The following EBF2 variants were observed in gnomAD, a reference collection of about 807,000 sequenced individuals.
EBF2 encodes the protein transcription factor COE2.
EBF2 carries 21 observed loss-of-function variants against 72.8 expected under a neutral mutation model. That is an observed-to-expected ratio of 0.29 (90% CI 0.20 to 0.42). The LOEUF (loss-of-function observed/expected upper bound fraction) is 0.42, where lower values mean the gene tolerates loss of function less well. EBF2 is among the 10% of genes least tolerant of loss of function. The pLI is 1.00. For missense variants in EBF2, 637 were observed against 731.2 expected (o/e 0.87, Z 1.49); for synonymous variants, 299 against 274.2 (o/e 1.09, Z -0.89).
chr8:25,946,992 T>C (rs7006936), intron 6 of EBF2, among the ~76,000 whole-genome samples: 36,741 of 152,066 alleles, frequency 0.24, 5,505 homozygotes, highest in African/African-American at 0.43. Context: ...TAATACAATT[T>C]GATTCACTTT....
intron 6 of EBF2, among the ~76,000 whole-genome samples, chr8:26,002,595 G>A (rs1804748991): frequency 6.6e-6 from 1 of 152,166 alleles, no homozygotes; most frequent in South Asian, 2.1e-4. Context: ...TCCTCAGAGA[G>A]AACATTAACA....
chr8:25,855,081 A>T (rs559558848), intron 14 of EBF2, among the ~76,000 whole-genome samples: 1 of 152,344 alleles, frequency 6.6e-6, no homozygotes, highest in South Asian at 2.1e-4. Context: ...TTCTCTGGAC[A>T]TCTATCTCTC....
At chr8:25,883,523 A>C (rs1232342887) in intron 10 of EBF2, among the ~76,000 whole-genome samples, 2 of 151,986 alleles carry the variant, frequency 1.3e-5, no homozygotes, top group Non-Finnish European at 2.9e-5. Context: ...TTGTTGAGTA[A>C]ATAAATGGGT....
intron 6 of EBF2, among the ~76,000 whole-genome samples, chr8:25,953,987 T>A (rs1055487353): frequency 3.9e-5 from 6 of 152,324 alleles, no homozygotes; most frequent in Admixed American, 3.9e-4. Context: ...TCCTTTTTTT[T>A]ATAGGCTGCT....
In EBF2 at chr8:25,908,565, G is replaced by C. The variant is rs779021974; in HGVS notation, c.552-10C>G. The C allele has an allele frequency of 6.4e-7, 1 of 1,568,810 alleles. No homozygotes were observed. On this transcript the variant is annotated splice_polypyrimidine_tract_variant and intron_variant, in intron 6 of 15. Transcript: ENST00000520164. ...AAATTTTAAAAAGAATCTGTGAAGA[G>C]AAAGCGATGTGTTACATTTTTCAGT...
intron 6 of EBF2, among the ~76,000 whole-genome samples, chr8:25,955,684 A>T (rs1803933510): frequency 6.6e-6 from 1 of 152,186 alleles, no homozygotes; most frequent in Admixed American, 6.5e-5. Context: ...TTGGGGAGTC[A>T]TATGTTTATG....
At position 26,044,655 on chromosome 8, in the gene EBF2, C is replaced by CG. The variant is rs11135911; in HGVS notation, c.131+73dup. ...GGGAGAGAGAAAGGCACGGGGTGCG[C>CG]GGGGGGGGTGCACACGGAGAGACAG... is the stretch of plus-strand genomic sequence containing the variant. On this transcript the variant is annotated intron_variant, in intron 1 of 15. Coordinates refer to ENST00000520164, the MANE Select transcript of EBF2 (RefSeq NM_022659.4). The surrounding 1 kb of genome is among the most constrained non-coding windows in gnomAD (Gnocchi z 4.1). 19,653 of 1,539,764 alleles carry CG rather than the reference C, an allele frequency of 0.013. 112 individuals carry two copies. The highest frequency in any genetic ancestry group is 0.014 in the Non-Finnish European group (16,245 of 1,134,906).
At chr8:25,956,459 A>G (rs1217845032) in intron 6 of EBF2, among the ~76,000 whole-genome samples, 2 of 152,132 alleles carry the variant, frequency 1.3e-5, no homozygotes, top group East Asian at 1.9e-4. Context: ...AAGGTGCACA[A>G]GTACTCTTGT....
intron 6 of EBF2, among the ~76,000 whole-genome samples, chr8:25,973,387 G>A (rs954819779): frequency 2.6e-5 from 4 of 152,028 alleles, no homozygotes; most frequent in Non-Finnish European, 5.9e-5. Flanking sequence ...TTCTAATCTG[G>A]ATCATATTTA....
intron 6 of EBF2, among the ~76,000 whole-genome samples, chr8:25,985,629 A>G (rs548613710): frequency 3.9e-5 from 6 of 152,286 alleles, no homozygotes; most frequent in South Asian, 2.1e-4. Context: ...CCTGACATTC[A>G]CTGAAAGATT....
chr8:25,856,548 T>A (rs1365529456), intron 14 of EBF2, among the ~76,000 whole-genome samples: 1 of 152,226 alleles, frequency 6.6e-6, no homozygotes, highest in Non-Finnish European at 1.5e-5. Context: ...AGGCTCTGAC[T>A]GGACTCTAGA....
Position 26,044,998 on chromosome 8 carries a change from A to T in EBF2, c.-139T>A. The stretch of plus-strand genomic sequence containing the variant: ...TCAAGTGCCCAAGTTTGAGTCTTAG[A>T]AAAAAAAAAAAGATAACCCGTCCTT... On this transcript the variant is annotated 5_prime_UTR_variant, in exon 1 of 16. Transcript: ENST00000520164. This position sits in a 1 kb window ranked among gnomAD's most constrained non-coding sequence, Gnocchi z 4.1. 2.3e-6 allele frequency: 1 copy of T among 433,650 alleles called. No homozygotes were observed. Among genetic ancestry groups the T allele is most frequent in the Non-Finnish European group, 3.5e-6 (1 of 284,696 alleles). 26.9% of individuals were successfully genotyped at this position (433,650 alleles called of 1,614,324 possible).
At chr8:26,024,538 T>C (rs1218165688) in intron 6 of EBF2, among the ~76,000 whole-genome samples, 4 of 152,208 alleles carry the variant, frequency 2.6e-5, no homozygotes, top group Non-Finnish European at 5.9e-5. Flanking sequence ...TTCTTGGGCC[T>C]GTTCTGTACC....
intron 6 of EBF2, among the ~76,000 whole-genome samples, chr8:25,924,616 C>T (rs751773107): frequency 1.3e-5 from 2 of 152,136 alleles, no homozygotes; most frequent in Non-Finnish European, 2.9e-5. Context: ...TCTTTGGAAA[C>T]ACTAAATCAA....
chr8:25,858,813 A>G (rs1034969800), intron 13 of EBF2, among the ~76,000 whole-genome samples: 23 of 151,774 alleles, frequency 1.5e-4, no homozygotes, highest in African/African-American at 5.3e-4. Flanking sequence ...GCACCCTGCC[A>G]TTGCGCCCGG....
At chr8:25,984,971 CA>C (rs1173574290) in intron 6 of EBF2, among the ~76,000 whole-genome samples, 1 of 150,846 alleles carries the variant, frequency 6.6e-6, no homozygotes, top group Non-Finnish European at 1.5e-5. Context: ...CTACAATAAG[CA>C]AAGGAAAAGG....
At chr8:25,870,621 C>T (rs1393379238) in intron 10 of EBF2, among the ~76,000 whole-genome samples, 4 of 152,060 alleles carry the variant, frequency 2.6e-5, no homozygotes, top group African/African-American at 7.2e-5. Context: ...TAATTTATCA[C>T]GCATTTGCAC....
rs568031149 is a variant in EBF2, at chr8:25,965,679, C to T, written c.552-57124G>A. 1.2e-4 allele frequency among the ~76,000 whole-genome samples: 18 copies of T among 152,236 alleles called. No individual in the cohort carries two copies. The South Asian group carries it at 3.7e-3, about 32-fold the overall frequency. The stretch of plus-strand genomic sequence containing the variant: ...CTAAAGACAAAAGGGTGGACAACTG[C>T]TATGAAGGCCACCAGAAGACATTAG... On this transcript the variant is annotated intron_variant, in intron 6 of 15. Coordinates refer to ENST00000520164, the MANE Select transcript of EBF2 (RefSeq NM_022659.4).
chr8:26,022,409 CA>C, intron 6 of EBF2, among the ~76,000 whole-genome samples: 1 of 152,318 alleles, frequency 6.6e-6, no homozygotes, highest in East Asian at 1.9e-4. Flanking sequence ...CATTTATCTC[CA>C]GAGAGACCCA....
Sources: gnomAD v4.1 joint callset for allele counts (sites outside exome capture counted in the v4.1 genomes callset) on GRCh38, gnomAD v4.1.1 for gene constraint, Gnocchi (gnomAD v3.1) non-coding constraint, MANE v1.5 for transcripts, NCBI Gene and HGNC (gene_info 2026-07-23, HGNC 2026-07-21) for gene names.